The following PUS3 variants were observed in gnomAD, a reference collection of about 807,000 sequenced individuals.
PUS3 encodes the protein tRNA pseudouridine(38/39) synthase.
Under a neutral mutation model 43.3 loss-of-function variants are expected in PUS3, and 36 were observed. That is an observed-to-expected ratio of 0.83 (90% confidence interval 0.64 to 1.10). The LOEUF is 1.10. Among genes scored for constraint, PUS3 ranks in the 50% least tolerant of loss-of-function variants. PUS3 has a pLI of 0.00. For missense variants in PUS3, 544 were observed against 589.9 expected (o/e 0.92, Z 0.81); for synonymous variants, 183 against 199.2 (o/e 0.92, Z 0.69).
At chr11:125,897,551 A>G (rs182021112) in intron 1 of PUS3, among the ~76,000 whole-genome samples, 1 of 151,426 alleles carries the variant, frequency 6.6e-6, no homozygotes, top group Non-Finnish European at 1.5e-5. Context: ...GCAACCTGAG[A>G]GTCAAATGGG....
At position 125,895,232 on chromosome 11, in the gene PUS3, A is replaced by G. The variant is rs1018643317; in HGVS notation, c.936T>C (p.Pro312=). ...LLNIEKNPQK[P]QYSMAVEFPL... ...TTTTATTTTTAACTCACCTATATTG[A>G]GGCTTTTGGGGATTTTTCTCTATAT... The change falls in exon 3 of 4, where the codon CCT becomes CCC. Residue 312 remains proline, a synonymous_variant. Transcript: ENST00000227474. The G allele has an allele frequency of 1.9e-6, 3 of 1,583,502 alleles. No individual in the cohort carries two copies. Among genetic ancestry groups the G allele is most frequent in the Non-Finnish European group, 2.6e-6 (3 of 1,168,310 alleles).
rs1466951534 is a variant in PUS3, at chr11:125,895,978, C to G, written c.307G>C (p.Val103Leu). 6.2e-7 allele frequency: 1 copy of G among 1,614,178 alleles called. No individual in the cohort carries two copies. Among genetic ancestry groups the G allele is most frequent in the Non-Finnish European group, 8.5e-7 (1 of 1,180,030 alleles). ...TAGTTGGATGTCTGTCTGCTTTCTA[C>G]TAGTCGAGTCTTGGTTAGAGCTTCA... ...LFEALTKTRL[V>L]ESRQTSNYHR... The change falls in exon 2 of 4, where the codon GTA becomes CTA. Residue 103 changes from valine (V) to leucine (L), a missense_variant. Physicochemically the swap from Val to Leu is conservative, Grantham distance 32 (BLOSUM62 1). Transcript: ENST00000227474.
intron 1 of PUS3, among the ~76,000 whole-genome samples, chr11:125,902,814 C>T (rs1944815139): frequency 6.6e-6 from 1 of 152,012 alleles, no homozygotes; most frequent in Non-Finnish European, 1.5e-5. Context: ...CAGCCTCCCA[C>T]ATACTCCTGG....
Position 125,895,454 on chromosome 11 carries a change from C to A in PUS3, c.714G>T (p.Gln238His), listed in dbSNP as rs1944553086. Reference protein sequence around the residue: ...MDVANGVINFQRTILSAQVQL... With the variant: ...MDVANGVINFHRTILSAQVQL... ...GTACTTGAGCAGATAGAATAGTCCT[C>A]TGAAAATTAATCACACCGTTGGCTA... The change falls in exon 3 of 4, where the codon CAG (glutamine) becomes CAT (histidine). Residue 238 changes from glutamine to histidine, a missense_variant. By Grantham distance (24) the Gln-to-His change is conservative. Coordinates refer to ENST00000227474, the MANE Select transcript of PUS3 (RefSeq NM_031307.4). 1.9e-6 allele frequency: 3 copies of A among 1,614,034 alleles called. No homozygotes were observed. The highest frequency in any genetic ancestry group is 2.5e-6 in the Non-Finnish European group (3 of 1,180,020).
At position 125,903,192 on chromosome 11, in the gene PUS3, C is replaced by T. The variant is rs975994181; in HGVS notation, c.-69G>A. The T allele has an allele frequency of 3.0e-5, 30 of 985,384 alleles. No homozygotes were observed. Among genetic ancestry groups the T allele is most frequent in the African/African-American group, 3.5e-5 (2 of 57,258 alleles). The allele number at this position is 985,384 out of a possible 1,614,324, so 61.0% of individuals were successfully genotyped here. A position where few individuals can be genotyped will look rare whatever the true frequency, so the allele number is the denominator to read the frequency against. On this transcript the variant is annotated 5_prime_UTR_variant, in exon 1 of 4. Transcript: ENST00000227474. ...TACTTTCCGGCAGCCGGCCGCGCCG[C>T]GTTTCCGAGAAAGGAAGCTGTCACT...
chr11:125,901,295 T>G (rs1243547161), intron 1 of PUS3, among the ~76,000 whole-genome samples: 1 of 152,204 alleles, frequency 6.6e-6, no homozygotes, highest in Non-Finnish European at 1.5e-5. Context: ...GAATTATGCA[T>G]CATTTGGAAG....
chr11:125,900,685 T>C, intron 1 of PUS3: 1 of 252,558 alleles, frequency 4.0e-6, no homozygotes, highest in Non-Finnish European at 8.1e-6. Context: ...TTGCCTAAGA[T>C]GATCTTGAAC....
chr11:125,899,963 A>T (rs1565457470), intron 1 of PUS3: 1 of 1,614,198 alleles, frequency 6.2e-7, no homozygotes, highest in South Asian at 1.1e-5. Context: ...TATTCTCCCA[A>T]AGCTGGACCA....
At chr11:125,899,307 T>G in intron 1 of PUS3, 1 of 1,478,966 alleles carries the variant, frequency 6.8e-7, no homozygotes, top group African/African-American at 1.4e-5. Context: ...AGCTGGGAAT[T>G]TATTATCAGA....
intron 1 of PUS3, among the ~76,000 whole-genome samples, 179 bp downstream of exon 1, chr11:125,902,991 A>C (rs1437345522): frequency 6.6e-6 from 1 of 152,124 alleles, no homozygotes; most frequent in African/African-American, 2.4e-5. Flanking sequence ...CAGGCACAAA[A>C]GAAAAATACA....
At chr11:125,902,410 T>G (rs918838678) in intron 1 of PUS3, among the ~76,000 whole-genome samples, 1 of 151,684 alleles carries the variant, frequency 6.6e-6, no homozygotes, top group African/African-American at 2.4e-5. Context: ...AGTCAGGAGT[T>G]CGAGACCAAC....
chr11:125,896,117 A>G lies in PUS3; in HGVS notation c.168T>C (p.Asp56=), dbSNP rs778287255. ...CGTGTCTTCGGCCATGAGCACTGAA[A>G]TCAAATGCACGCTTAGTTTTTCCAG... ...AGAGKTKRAF[D]FSAHGRRHVA... is the part of the protein sequence containing the mutation. Residue 56 remains aspartate (D), a synonymous_variant, in exon 2 of 4, where the codon GAT becomes GAC. Coordinates refer to ENST00000227474, the MANE Select transcript of PUS3 (RefSeq NM_031307.4). 2 of 1,614,204 alleles carry G rather than the reference A, an allele frequency of 1.2e-6. No homozygotes were observed. Among genetic ancestry groups the G allele is most frequent in the South Asian group, 2.2e-5 (2 of 91,088 alleles).
In PUS3 at chr11:125,893,722, T is replaced by G; in HGVS notation, c.*63A>C. 4 of 1,406,888 alleles carry G rather than the reference T, an allele frequency of 2.8e-6. No homozygotes were observed. Among genetic ancestry groups the G allele is most frequent in the Non-Finnish European group, 3.8e-6 (4 of 1,063,620 alleles). 87.2% of individuals were successfully genotyped at this position (1,406,888 alleles called of 1,614,324 possible). On this transcript the variant is annotated 3_prime_UTR_variant, in exon 4 of 4. Coordinates refer to ENST00000227474, the MANE Select transcript of PUS3 (RefSeq NM_031307.4). ...CCTAGTACTTGCAAGTAAATTTTTTTTTTTTTCCTTTTCTGTCCACCTACC... is the reference window on the plus strand; with the variant it reads ...CCTAGTACTTGCAAGTAAATTTTTTGTTTTTTCCTTTTCTGTCCACCTACC...
Position 125,895,204 on chromosome 11 carries a change from A to AC in PUS3, c.944+19_944+20insG. ...CTGGGACTACAGGCATGTGCCATTT[A>AC]TTTTTTATTTTTAACTCACCTATAT... On this transcript the variant is annotated intron_variant, in intron 3 of 3. Coordinates refer to ENST00000227474, the MANE Select transcript of PUS3 (RefSeq NM_031307.4). The AC allele has an allele frequency of 6.5e-7, 1 of 1,534,440 alleles. No homozygotes were observed. Among genetic ancestry groups the AC allele is most frequent in the Non-Finnish European group, 8.7e-7 (1 of 1,144,326 alleles).
At chr11:125,897,760 T>G (rs1944632612) in intron 1 of PUS3, among the ~76,000 whole-genome samples, 1 of 152,226 alleles carries the variant, frequency 6.6e-6, no homozygotes, top group South Asian at 2.1e-4. Flanking sequence ...TAATGTATGG[T>G]CAGTACAGCT....
chr11:125,894,373 A>ACC, intron 3 of PUS3, 87 bp from the exon 4 acceptor site: 1 of 1,104,632 alleles, frequency 9.1e-7, no homozygotes, highest in South Asian at 1.5e-5. Flanking sequence ...GCGTTAAGGG[A>ACC]GCCGGGTAGG....
chr11:125,893,874 A>G lies in PUS3; in HGVS notation c.1357T>C (p.Cys453Arg). ...TTCTCTTCCTCTAGTGTGTCATTAC[A>G]GTCCCTTTTGGCTTTTGTTTCTTCC... ...HEEETKAKRD[C>R]NDTLEEENTN... Residue 453 changes from cysteine (C) to arginine (R), a missense_variant, in exon 4 of 4, where the codon TGT (cysteine) becomes CGT (arginine). Cys to Arg is a radical substitution (Grantham distance 180). Transcript: ENST00000227474. 1 of 1,614,120 alleles carries G rather than the reference A, an allele frequency of 6.2e-7. No individual in the cohort carries two copies. Among genetic ancestry groups the G allele is most frequent in the South Asian group, 1.1e-5 (1 of 91,076 alleles).
chr11:125,899,735 GAA>G, intron 1 of PUS3: 4 of 1,614,218 alleles, frequency 2.5e-6, no homozygotes, highest in Non-Finnish European at 3.4e-6. Context: ...ATCTGGTACA[GAA>G]AATGATCAGG....
Position 125,893,874 on chromosome 11 carries a change from A to C in PUS3, c.1357T>G (p.Cys453Gly), listed in dbSNP as rs1944487284. Residue 453 changes from cysteine (C) to glycine (G), a missense_variant, in exon 4 of 4, where the codon TGT becomes GGT. Physicochemically the swap from Cys to Gly is radical, Grantham distance 159 (BLOSUM62 -3). Transcript: ENST00000227474. ...TTCTCTTCCTCTAGTGTGTCATTACAGTCCCTTTTGGCTTTTGTTTCTTCC... is the reference window on the plus strand; with the variant it reads ...TTCTCTTCCTCTAGTGTGTCATTACCGTCCCTTTTGGCTTTTGTTTCTTCC... The part of the protein sequence containing the change: ...HEEETKAKRD[C>G]NDTLEEENTN... 3 of 1,614,002 alleles carry C rather than the reference A, an allele frequency of 1.9e-6. No homozygotes were observed. The highest frequency in any genetic ancestry group is 2.5e-6 in the Non-Finnish European group (3 of 1,180,020).
Sources: allele counts gnomAD v4.1 joint callset (sites outside exome capture counted in the v4.1 genomes callset), GRCh38; gene constraint gnomAD v4.1.1; transcripts MANE v1.5; gene names NCBI Gene and HGNC (gene_info 2026-07-23, HGNC 2026-07-21).